Variants in ZNF654 observed in about 807,000 individuals in gnomAD.
ZNF654 encodes the protein zinc finger protein 654, also known as melanoma-associated antigen.
ZNF654 carries 19 observed loss-of-function variants against 95.3 expected under a neutral mutation model. The ratio of observed to expected loss-of-function variants is 0.20; its 90% CI spans 0.14 to 0.29. ZNF654 has a LOEUF of 0.29. Among genes scored for constraint, ZNF654 ranks in the 10% least tolerant of loss-of-function variants. The pLI is 1.00. For synonymous variants in ZNF654, 413 were observed against 457.9 expected, an observed-to-expected ratio of 0.90 and a Z score of 1.25; for missense variants, 1,046 against 1,341.0, an observed-to-expected ratio of 0.78 and a Z score of 3.44.
chr3:88,092,069 T>A (rs1253173808), intron 2 of ZNF654, among the ~76,000 whole-genome samples: 2 of 152,208 alleles, frequency 1.3e-5, no homozygotes, highest in African/African-American at 4.8e-5. Context: ...ATAGTAAGAT[T>A]TCTTAGAAGG....
chr3:88,141,161 T>G (rs762842950), intron 8 of ZNF654, 113 bp downstream of exon 8: 1 of 1,219,146 alleles, frequency 8.2e-7, no homozygotes, highest in African/African-American at 1.5e-5. Flanking sequence ...GCACAGGTAG[T>G]GAAGCATTAC....
chr3:88,138,259 T>C (rs573140764), intron 7 of ZNF654, among the ~76,000 whole-genome samples: 2 of 152,274 alleles, frequency 1.3e-5, no homozygotes, highest in South Asian at 4.1e-4. Flanking sequence ...AAAGTTCCCA[T>C]AAGCAGTTTT....
rs114335649 is a variant in ZNF654 at position 88,121,735 on chromosome 3, A to G, written c.415-4399A>G. Reference sequence around the variant, plus strand: ...CTCATTTCAAAGTATTATAAAGACTACTGTATTTCAAAGATTACGTTTTTA... The same window carrying G: ...CTCATTTCAAAGTATTATAAAGACTGCTGTATTTCAAAGATTACGTTTTTA... On this transcript the variant is annotated intron_variant, in intron 3 of 8. Transcript: ENST00000636215. 2.8e-3 allele frequency among the ~76,000 whole-genome samples: 428 copies of G among 152,316 alleles called. 3 individuals are homozygous for G. The highest frequency in any genetic ancestry group is 9.2e-3 in the African/African-American group (383 of 41,580).
intron 1 of ZNF654, among the ~76,000 whole-genome samples, chr3:88,068,195 G>A (rs1707311416): frequency 6.6e-6 from 1 of 151,978 alleles, no homozygotes; most frequent in African/African-American, 2.4e-5. Context: ...GTGACCATTA[G>A]TATGTACCTT....
At chr3:88,123,124 G>A (rs1249898921) in intron 3 of ZNF654, among the ~76,000 whole-genome samples, 3 of 151,858 alleles carry the variant, frequency 2.0e-5, no homozygotes, top group Non-Finnish European at 4.4e-5. Flanking sequence ...TATTCACTTC[G>A]AGGTTTTAAA....
chr3:88,088,623 G>A (rs990399757), intron 2 of ZNF654, among the ~76,000 whole-genome samples: 38 of 152,178 alleles, frequency 2.5e-4, no homozygotes, highest in African/African-American at 9.2e-4. Flanking sequence ...AAATGTGTGT[G>A]TGTACACTGT....
Position 88,059,403 on chromosome 3 carries a change from G to A in ZNF654, c.84G>A (p.Val28=). 1 of 1,534,498 alleles carries A rather than the reference G, an allele frequency of 6.5e-7. No homozygotes were observed. The highest frequency in any genetic ancestry group is 8.7e-7 in the Non-Finnish European group (1 of 1,146,288). ...VAIVESPLGP[V]GLRAAGDGRG... is the part of the protein sequence containing the mutation. ...TTGTGGAGTCCCCGCTGGGCCCTGT[G>A]GGGCTTAGAGCTGCGGGCGACGGCA... Residue 28 remains valine (V), a synonymous_variant, in exon 1 of 9, where the codon GTG becomes GTA. Coordinates refer to ENST00000636215, the MANE Select transcript of ZNF654 (RefSeq NM_001350134.2).
At chr3:88,060,580 A>G (rs1471761081) in intron 1 of ZNF654, among the ~76,000 whole-genome samples, 2 of 152,206 alleles carry the variant, frequency 1.3e-5, no homozygotes, top group Non-Finnish European at 1.5e-5. Context: ...ATCTCCTGGC[A>G]GAAATTATTA....
At chr3:88,137,358 G>T (rs773131461) in intron 7 of ZNF654, among the ~76,000 whole-genome samples, 4 of 152,070 alleles carry the variant, frequency 2.6e-5, no homozygotes, top group Non-Finnish European at 4.4e-5. Flanking sequence ...ATTCAGAAAG[G>T]ATTCCAAGTT....
chr3:88,131,688 A>T (rs1279117892), intron 6 of ZNF654, among the ~76,000 whole-genome samples: 2 of 152,130 alleles, frequency 1.3e-5, no homozygotes, highest in African/African-American at 2.4e-5. Context: ...ACCAAAAAGG[A>T]GTCTTTAGCC....
chr3:88,114,840 A>G (rs1323498613), intron 3 of ZNF654, among the ~76,000 whole-genome samples: 1 of 152,126 alleles, frequency 6.6e-6, no homozygotes, highest in Non-Finnish European at 1.5e-5. Context: ...AAAACCTTGT[A>G]TTTTCCAAGC....
At chr3:88,094,662 T>G (rs983690955) in intron 2 of ZNF654, among the ~76,000 whole-genome samples, 2 of 152,124 alleles carry the variant, frequency 1.3e-5, no homozygotes, top group African/African-American at 4.8e-5. Context: ...CTTTATTCTT[T>G]AAAAGTTATT....
chr3:88,087,940 G>T, intron 2 of ZNF654, among the ~76,000 whole-genome samples: 1 of 152,084 alleles, frequency 6.6e-6, no homozygotes, highest in East Asian at 1.9e-4. Flanking sequence ...GATACTCAAA[G>T]GAAACGCTCA....
intron 7 of ZNF654, among the ~76,000 whole-genome samples, chr3:88,136,434 C>T (rs1379349609): frequency 6.6e-6 from 1 of 152,062 alleles, no homozygotes; most frequent in African/African-American, 2.4e-5. Flanking sequence ...CATTCAATTG[C>T]CTCAGTACTG....
chr3:88,139,281 G>A lies in ZNF654; in HGVS notation c.1612G>A (p.Val538Ile), dbSNP rs776929601. The A allele has an allele frequency of 3.2e-6, 5 of 1,560,610 alleles. No homozygotes were observed. Among genetic ancestry groups the A allele is most frequent in the Non-Finnish European group, 2.6e-6 (3 of 1,159,414 alleles). Reference protein sequence around the residue: ...KNLTALSTSKVDHNVPRHRCM... With the variant: ...KNLTALSTSKIDHNVPRHRCM... ...TCTTACAGCTCTCAGTACTTCCAAAGTAGATCACAATGTCCCAAGGCATCG... is the reference window on the plus strand; with the variant it reads ...TCTTACAGCTCTCAGTACTTCCAAAATAGATCACAATGTCCCAAGGCATCG... The change falls in exon 8 of 9, where the codon GTA (valine) becomes ATA (isoleucine). Residue 538 changes from valine (V) to isoleucine (I), a missense_variant. This residue lies in a region of ZNF654 where 100 missense variants were observed against 108.9 expected (regional missense o/e 0.92). Transcript: ENST00000636215.
At chr3:88,113,274 G>T in intron 3 of ZNF654, 78 bp downstream of exon 3, 1 of 823,938 alleles carries the variant, frequency 1.2e-6, no homozygotes, top group Non-Finnish European at 1.8e-6. Flanking sequence ...ATAGCTTATT[G>T]GTTATTATTG....
At chr3:88,059,802 C>A (rs1706746527) in intron 1 of ZNF654, among the ~76,000 whole-genome samples, 2 of 152,122 alleles carry the variant, frequency 1.3e-5, no homozygotes, top group Admixed American at 1.3e-4. Flanking sequence ...CTTCCCTACC[C>A]CAAACAGACC....
At chr3:88,116,612 TTG>T (rs761236273) in intron 3 of ZNF654, among the ~76,000 whole-genome samples, 1,579 of 149,846 alleles carry the variant, frequency 0.011, 30 homozygotes, top group African/African-American at 0.036. Context: ...TGTATATATG[TTG>T]TGTGTGTGTG....
chr3:88,111,249 A>G (rs1398080570), intron 2 of ZNF654, among the ~76,000 whole-genome samples: 1 of 152,002 alleles, frequency 6.6e-6, no homozygotes. Context: ...AAAAATGAAA[A>G]ATTACAAAAC....
Sources: allele counts gnomAD v4.1 joint callset (sites outside exome capture counted in the v4.1 genomes callset), GRCh38; gene constraint gnomAD v4.1.1; regional missense constraint gnomAD v4.1.1; transcripts MANE v1.5; gene names NCBI Gene and HGNC (gene_info 2026-07-23, HGNC 2026-07-21).